Variants in TLN2 observed in about 807,000 individuals in gnomAD.
The protein encoded by TLN2 is talin 2.
Under a neutral mutation model 294.7 loss-of-function variants are expected in TLN2, and 118 were observed. That is an observed-to-expected ratio of 0.40 (90% confidence interval 0.34 to 0.47). TLN2 has a LOEUF of 0.47. TLN2 is among the 20% of genes least tolerant of loss of function. TLN2 has a pLI of 0.84. For missense variants in TLN2, 3,083 were observed against 3,282.2 expected, an observed-to-expected ratio of 0.94 and a Z score of 1.48; for synonymous variants, 1,431 against 1,304.5, an observed-to-expected ratio of 1.10 and a Z score of -2.09.
Position 62,835,911 on chromosome 15 carries a change from G to A in TLN2, c.7212G>A (p.Ala2404=), listed in dbSNP as rs1428154500. Residue 2404 remains alanine (A), a synonymous_variant, in exon 57 of 59, where the codon GCG becomes GCA. Coordinates refer to ENST00000636159, the MANE Select transcript of TLN2 (RefSeq NM_015059.3). ...LISAARMVAA[A]TSSLCEAANA... is the part of the protein sequence containing the mutation. ...CCCAGGCCCGGATGGTGGCGGCTGC[G>A]ACCAGCAGTCTCTGTGAGGCGGCCA... 5.6e-6 allele frequency: 9 copies of A among 1,614,160 alleles called. No individual in the cohort carries two copies. The South Asian group carries it at 6.6e-5, about 12-fold the overall frequency.
chr15:62,656,127 G>T (rs1490772294), intron 8 of TLN2, 41 bp downstream of exon 8: 1 of 1,603,820 alleles, frequency 6.2e-7, no homozygotes, highest in Non-Finnish European at 8.5e-7. Flanking sequence ...TGGTGAGATT[G>T]CAGGAAGCTC....
intron 1 of TLN2, among the ~76,000 whole-genome samples, chr15:62,558,475 T>C (rs2042728987): frequency 6.6e-6 from 1 of 152,200 alleles, no homozygotes; most frequent in African/African-American, 2.4e-5. Context: ...AAAATCATTT[T>C]CTTCTTCAAC....
chr15:62,593,524 G>C (rs1567159759), intron 2 of TLN2, among the ~76,000 whole-genome samples: 1 of 152,140 alleles, frequency 6.6e-6, no homozygotes, highest in African/African-American at 2.4e-5. Context: ...ACATTAAGAA[G>C]CCCCCCTGGA....
intron 1 of TLN2, among the ~76,000 whole-genome samples, chr15:62,488,053 TG>T (rs1298408650): frequency 6.6e-6 from 1 of 151,862 alleles, no homozygotes; most frequent in Non-Finnish European, 1.5e-5. Context: ...ACCTCCAGCC[TG>T]GGCAACAAAG....
intron 1 of TLN2, among the ~76,000 whole-genome samples, chr15:62,463,428 A>G (rs1210614451): frequency 6.6e-6 from 1 of 152,208 alleles, no homozygotes; most frequent in African/African-American, 2.4e-5. Flanking sequence ...TAGAAAGCAT[A>G]AAAGTTTGAT....
At chr15:62,809,875 A>G (rs990088658) in intron 51 of TLN2, 50 bp from the exon 52 acceptor site, 1 of 1,575,788 alleles carries the variant, frequency 6.3e-7, no homozygotes. Flanking sequence ...GGGACTGCCC[A>G]ATGCTGGCTT....
intron 52 of TLN2, among the ~76,000 whole-genome samples, chr15:62,810,971 C>A (rs1308840511): frequency 6.6e-6 from 1 of 152,202 alleles, no homozygotes; most frequent in Non-Finnish European, 1.5e-5. Flanking sequence ...CTCATTCTGT[C>A]CTTGCGCAGC....
Position 62,740,626 on chromosome 15 carries a change from C to T in TLN2, c.3886-4C>T. On this transcript the variant is annotated splice_region_variant and splice_polypyrimidine_tract_variant and intron_variant, in intron 31 of 58. Transcript: ENST00000636159. The stretch of plus-strand genomic sequence containing the variant: ...AATAGCTCCGGCTCCTTTTGACCTT[C>T]CAGACAAAAGAAGACCAGATCCAAG... 6.2e-7 allele frequency: 1 copy of T among 1,614,118 alleles called. No individual in the cohort carries two copies. The highest frequency in any genetic ancestry group is 2.2e-5 in the East Asian group (1 of 44,884).
intron 1 of TLN2, among the ~76,000 whole-genome samples, chr15:62,543,975 G>T (rs997045976): frequency 6.6e-6 from 1 of 152,132 alleles, no homozygotes; most frequent in Non-Finnish European, 1.5e-5. Flanking sequence ...GGCTGGCGTG[G>T]AGGGTAGTAG....
intron 32 of TLN2, among the ~76,000 whole-genome samples, chr15:62,745,341 AT>A (rs2061555484): frequency 6.6e-6 from 1 of 152,316 alleles, no homozygotes; most frequent in Non-Finnish European, 1.5e-5. Flanking sequence ...TAAAAAAAAA[AT>A]AAAAGTAACT....
In TLN2 at chr15:62,516,740, C is replaced by A. The variant is rs865910521; in HGVS notation, c.-237-72947C>A. 4.6e-5 allele frequency among the ~76,000 whole-genome samples: 7 copies of A among 152,220 alleles called. No individual in the cohort carries two copies. In the South Asian group the frequency reaches 6.2e-4, roughly 14 times the overall value. ...TCTAGGGGGCAGGTGATCAATCATA[C>A]CACGACTCATTTGCCTGTGCAGTCA... is the stretch of plus-strand genomic sequence containing the variant. On this transcript the variant is annotated intron_variant, in intron 1 of 58. Coordinates refer to ENST00000636159, the MANE Select transcript of TLN2 (RefSeq NM_015059.3).
intron 1 of TLN2, among the ~76,000 whole-genome samples, chr15:62,587,076 T>C (rs2045669018): frequency 6.6e-6 from 1 of 152,208 alleles, no homozygotes; most frequent in Non-Finnish European, 1.5e-5. Context: ...AAGAAGGTTA[T>C]AGAGTATCTT....
intron 22 of TLN2, among the ~76,000 whole-genome samples, 193 bp from the exon 23 acceptor site, chr15:62,716,138 A>C (rs919518177): frequency 6.6e-6 from 1 of 152,228 alleles, no homozygotes; most frequent in African/African-American, 2.4e-5. Context: ...CTGCTTAGCT[A>C]TGCAATTTTG....
intron 12 of TLN2, among the ~76,000 whole-genome samples, chr15:62,691,176 C>G (rs543630195): frequency 6.6e-6 from 1 of 152,136 alleles, no homozygotes; most frequent in Non-Finnish European, 1.5e-5. Context: ...ATTATTTCTT[C>G]AGCTACTCTA....
chr15:62,435,435 T>G (rs189195826), intron 1 of TLN2, among the ~76,000 whole-genome samples: 40 of 152,372 alleles, frequency 2.6e-4, no homozygotes, highest in Middle Eastern at 3.4e-3. Flanking sequence ...CTTTATATGC[T>G]TAAGTCATTT....
rs769812801 is a variant in TLN2, at chr15:62,820,445, C to T, written c.6878-41C>T. The T allele has an allele frequency of 4.1e-5, 66 of 1,608,788 alleles. No homozygotes were observed. The African/African-American group carries it at 7.1e-4, about 17-fold the overall frequency. ...TTTAATTAAGCCAGTGCCCTGAGGT[C>T]TGCAGCTATGAAGAATCACCTTCTT... On this transcript the variant is annotated intron_variant, in intron 53 of 58. Transcript: ENST00000636159.
chr15:62,541,990 C>A (rs1045555289), intron 1 of TLN2, among the ~76,000 whole-genome samples: 9 of 151,222 alleles, frequency 6.0e-5, no homozygotes, highest in Admixed American at 2.6e-4. Context: ...TTAAAGGAAC[C>A]CTTGGCGAAT....
intron 4 of TLN2, among the ~76,000 whole-genome samples, chr15:62,648,081 A>T (rs999197339): frequency 6.6e-6 from 1 of 152,144 alleles, no homozygotes; most frequent in Non-Finnish European, 1.5e-5. Flanking sequence ...ATCCCTTCCA[A>T]ATCAGTAAGT....
At position 62,699,473 on chromosome 15, in the gene TLN2, C is replaced by A. The variant is rs539930138; in HGVS notation, c.1587+606C>A. ...GATGCCAACACTGCATGCCTGGGGA[C>A]TGTGCTTTGAGAAGCACTGGCTTAC... On this transcript the variant is annotated intron_variant, in intron 16 of 58. Transcript: ENST00000636159. Among the ~76,000 whole-genome samples the A allele has an allele frequency of 1.4e-4, 21 of 152,174 alleles. No homozygotes were observed. The East Asian group carries it at 4.1e-3, about 30-fold the overall frequency.
Sources: allele counts gnomAD v4.1 joint callset (sites outside exome capture counted in the v4.1 genomes callset), GRCh38; gene constraint gnomAD v4.1.1; transcripts MANE v1.5; gene names NCBI Gene and HGNC (gene_info 2026-07-23, HGNC 2026-07-21).